Variants in ZNF484 observed in about 807,000 individuals in gnomAD.
ZNF484 encodes the protein zinc finger protein 484.
A neutral mutation model predicts 12.9 loss-of-function variants in ZNF484; 11 were observed. The observed-to-expected ratio is 0.85, with a 90% CI of 0.54 to 1.41. The LOEUF is 1.41. Among genes scored for constraint, ZNF484 ranks in the 40% most tolerant of loss-of-function variants. ZNF484 has a pLI of 0.00. For synonymous variants in ZNF484, 289 were observed against 334.1 expected, an observed-to-expected ratio of 0.86 and a Z score of 1.47; for missense variants, 807 against 1,007.7, an observed-to-expected ratio of 0.80 and a Z score of 2.70.
chr9:92,867,703 T>G (rs1857191363), intron 2 of ZNF484, among the ~76,000 whole-genome samples: 1 of 152,180 alleles, frequency 6.6e-6, no homozygotes, highest in African/African-American at 2.4e-5. Context: ...TCCTTAAAAT[T>G]AAAAATACAA....
intron 2 of ZNF484, among the ~76,000 whole-genome samples, chr9:92,860,509 C>G (rs1856717172): frequency 6.7e-6 from 1 of 149,350 alleles, no homozygotes; most frequent in Non-Finnish European, 1.5e-5. Flanking sequence ...GAGGCTGAGG[C>G]AGGAGAATGG....
chr9:92,862,118 A>G (rs1213300458), intron 2 of ZNF484: 1 of 967,388 alleles, frequency 1.0e-6, no homozygotes, highest in Non-Finnish European at 1.2e-6. Context: ...AAATTCTCTT[A>G]AACTTAATTC....
intron 4 of ZNF484, among the ~76,000 whole-genome samples, chr9:92,850,130 A>G (rs1394322796): frequency 1.3e-5 from 2 of 152,236 alleles, no homozygotes; most frequent in Non-Finnish European, 2.9e-5. Context: ...ACAAAAACAA[A>G]AAGCACTTTA....
In ZNF484 at chr9:92,847,945, C is replaced by A. The variant is rs149936218; in HGVS notation, c.842G>T (p.Cys281Phe). 6.2e-7 allele frequency: 1 copy of A among 1,614,226 alleles called. No homozygotes were observed. Among genetic ancestry groups the A allele is most frequent in the Non-Finnish European group, 8.5e-7 (1 of 1,180,036 alleles). Residue 281 changes from cysteine (C) to phenylalanine (F), a missense_variant, in exon 5 of 5, where the codon TGC becomes TTC. Coordinates refer to ENST00000375495, the MANE Select transcript of ZNF484 (RefSeq NM_031486.4). ...SICAEEKQHE[C>F]HECEAVFTQK... ...AGTGAAGACTGCCTCACATTCATGG[C>A]ATTCATGCTGCTTTTCTTCAGCACA...
In ZNF484 at chr9:92,846,100, G is replaced by A; in HGVS notation, c.*128C>T. 1.1e-6 allele frequency: 1 copy of A among 901,640 alleles called. No individual in the cohort carries two copies. The highest frequency in any genetic ancestry group is 1.9e-5 in the South Asian group (1 of 52,976). 55.9% of individuals were successfully genotyped at this position (901,640 alleles called of 1,614,324 possible). On this transcript the variant is annotated 3_prime_UTR_variant, in exon 5 of 5. Coordinates refer to ENST00000375495, the MANE Select transcript of ZNF484 (RefSeq NM_031486.4). ...CCTTGCACATTTACTATTATTTGCAGGAGCTTGACAACACCAATATCAAGT... is the reference window on the plus strand; with the variant it reads ...CCTTGCACATTTACTATTATTTGCAAGAGCTTGACAACACCAATATCAAGT...
At position 92,847,067 on chromosome 9, in the gene ZNF484, G is replaced by T; in HGVS notation, c.1720C>A (p.His574Asn). Residue 574 changes from histidine (H) to asparagine (N), a missense_variant, in exon 5 of 5, where the codon CAT becomes AAT. Transcript: ENST00000375495. ...CAAACATATGGTTTTTCCCCTCTAT[G>T]AATTCTCTGGTGCATACTTAATGTT... ...KSTLSMHQRI[H>N]RGEKPYVCTE... The T allele has an allele frequency of 6.2e-7, 1 of 1,613,878 alleles. No individual in the cohort carries two copies. The highest frequency in any genetic ancestry group is 8.5e-7 in the Non-Finnish European group (1 of 1,179,970).
rs1855481414 is a variant in ZNF484 at position 92,844,508 on chromosome 9, T to C, written c.*1720A>G. Among the ~76,000 whole-genome samples, 1 of 152,036 alleles carries C rather than the reference T, an allele frequency of 6.6e-6. No homozygotes were observed. Among genetic ancestry groups the C allele is most frequent in the Non-Finnish European group, 1.5e-5 (1 of 68,008 alleles). On this transcript the variant is annotated 3_prime_UTR_variant, in exon 5 of 5. Coordinates refer to ENST00000375495, the MANE Select transcript of ZNF484 (RefSeq NM_031486.4). ...GATAAATACATGGAAAAATTACACCTAGGCATATCAATGTGCAACAGTTAA... is the reference window on the plus strand; with the variant it reads ...GATAAATACATGGAAAAATTACACCCAGGCATATCAATGTGCAACAGTTAA...
chr9:92,873,556 A>C (rs1857591284), intron 2 of ZNF484, among the ~76,000 whole-genome samples: 1 of 152,238 alleles, frequency 6.6e-6, no homozygotes, highest in Admixed American at 6.5e-5. Flanking sequence ...CTAGGCCCAG[A>C]CAGTTTCTCT....
At position 92,846,319 on chromosome 9, in the gene ZNF484, T is replaced by G. The variant is rs745717554; in HGVS notation, c.2468A>C (p.Gln823Pro). 2.5e-5 allele frequency: 40 copies of G among 1,614,056 alleles called. No individual in the cohort carries two copies. In the Middle Eastern group the frequency reaches 8.2e-4, roughly 33 times the overall value. The part of the protein sequence containing the change: ...LNWKPQLSMP[Q>P]KSDNGEVECS... ...CTCTACTTCCCCATTGTCAGATTTC[T>G]GAGGCATACTGAGTTGTGGCTTCCA... Residue 823 changes from glutamine to proline, a missense_variant, in exon 5 of 5, where the codon CAG (glutamine) becomes CCG (proline). Physicochemically the swap from Gln to Pro is moderately conservative, Grantham distance 76 (BLOSUM62 -1). Transcript: ENST00000375495.
intron 4 of ZNF484, among the ~76,000 whole-genome samples, chr9:92,853,764 G>T (rs1276107218): frequency 6.6e-6 from 1 of 152,208 alleles, no homozygotes; most frequent in Non-Finnish European, 1.5e-5. Context: ...AGACCCCTGT[G>T]GGGGTGGTCA....
chr9:92,877,688 A>C, intron 1 of ZNF484: 3 of 1,214,804 alleles, frequency 2.5e-6, no homozygotes, highest in South Asian at 2.7e-5. Context: ...AGAGACCCCC[A>C]GTCCGTCCTC....
intron 2 of ZNF484, among the ~76,000 whole-genome samples, chr9:92,870,719 A>G (rs1300855081): frequency 1.3e-5 from 2 of 152,248 alleles, no homozygotes; most frequent in African/African-American, 2.4e-5. Context: ...AGAGGTAATG[A>G]GGCCCTATCC....
At position 92,846,445 on chromosome 9, in the gene ZNF484, C is replaced by T. The variant is rs765138102; in HGVS notation, c.2342G>A (p.Cys781Tyr). 1 of 1,614,138 alleles carries T rather than the reference C, an allele frequency of 6.2e-7. No homozygotes were observed. The highest frequency in any genetic ancestry group is 8.5e-7 in the Non-Finnish European group (1 of 1,180,000). The change falls in exon 5 of 5, where the codon TGT (cysteine) becomes TAT (tyrosine). Residue 781 changes from cysteine (C) to tyrosine (Y), a missense_variant. By Grantham distance (194) the Cys-to-Tyr change is radical (BLOSUM62 -2). Transcript: ENST00000375495. ...TGEKPYICAE[C>Y]GKAFTIRSNL... The stretch of plus-strand genomic sequence containing the variant: ...TGATCTGATGGTGAAGGCCTTTCCA[C>T]ACTCAGCACATATATATGGTTTCTC...
Position 92,846,014 on chromosome 9 carries a change from A to G in ZNF484, c.*214T>C. ...GTACCCAGAACATGAAAAACTCAAC[A>G]GCCATGAATTTATAAAACTGTTTGC... On this transcript the variant is annotated 3_prime_UTR_variant, in exon 5 of 5. Transcript: ENST00000375495. 1 of 560,736 alleles carries G rather than the reference A, an allele frequency of 1.8e-6. No individual in the cohort carries two copies. Among genetic ancestry groups the G allele is most frequent in the Non-Finnish European group, 3.1e-6 (1 of 321,678 alleles). 34.7% of individuals were successfully genotyped at this position (560,736 alleles called of 1,614,324 possible).
At chr9:92,870,107 T>C (rs920814634) in intron 2 of ZNF484, among the ~76,000 whole-genome samples, 2 of 152,072 alleles carry the variant, frequency 1.3e-5, no homozygotes, top group Admixed American at 6.5e-5. Flanking sequence ...ATAGACATTA[T>C]CCATCAAACC....
At chr9:92,849,456 T>C (rs1855925779) in intron 4 of ZNF484, among the ~76,000 whole-genome samples, 1 of 152,090 alleles carries the variant, frequency 6.6e-6, no homozygotes, top group African/African-American at 2.4e-5. Context: ...CAATATCATT[T>C]AGATGTGCTG....
At position 92,856,242 on chromosome 9, in the gene ZNF484, C is replaced by A. The variant is rs764125270; in HGVS notation, c.92G>T (p.Ser31Ile). The change falls in exon 3 of 5, where the codon AGC (serine) becomes ATC (isoleucine). Residue 31 changes from serine to isoleucine, a missense_variant. Coordinates refer to ENST00000375495, the MANE Select transcript of ZNF484 (RefSeq NM_031486.4). ...EWQQLDLAQK[S>I]LYREVMLENY... ...TTCCAGCATCACTTCTCTGTACAGG[C>A]TTTTCTGAGCAAGGTCTAATTGTTG... 121 of 1,613,466 alleles carry A rather than the reference C, an allele frequency of 7.5e-5. No individual in the cohort carries two copies. Among genetic ancestry groups the A allele is most frequent in the Non-Finnish European group, 1.0e-4 (120 of 1,179,944 alleles).
intron 2 of ZNF484, among the ~76,000 whole-genome samples, chr9:92,858,941 C>T (rs181268505): frequency 1.8e-4 from 27 of 151,860 alleles, no homozygotes; most frequent in Admixed American, 1.3e-3. Context: ...CTGGCTAACA[C>T]GGTGAAACCC....
intron 2 of ZNF484, among the ~76,000 whole-genome samples, chr9:92,874,240 TA>T (rs1283609412): frequency 6.6e-6 from 1 of 152,020 alleles, no homozygotes; most frequent in African/African-American, 2.4e-5. Context: ...CAAATGCAAG[TA>T]AAGTGTCAGA....
Sources: gnomAD v4.1 joint callset for allele counts (sites outside exome capture counted in the v4.1 genomes callset) on GRCh38, gnomAD v4.1.1 for gene constraint, MANE v1.5 for transcripts, NCBI Gene and HGNC (gene_info 2026-07-23, HGNC 2026-07-21) for gene names.